The following HSPG2 variants were observed in gnomAD, a reference collection of about 807,000 sequenced individuals.
The protein encoded by HSPG2 is heparan sulfate proteoglycan 2.
HSPG2 carries 278 observed loss-of-function variants against 526.6 expected under a neutral mutation model. The observed-to-expected ratio is 0.53, with a 90% CI of 0.48 to 0.58. The LOEUF (loss-of-function observed/expected upper bound fraction) is 0.58. Ranked by LOEUF, HSPG2 falls within the 20% of genes least tolerant of loss-of-function variation. The pLI is 0.00. For missense variants in HSPG2, 5,354 were observed against 6,099.5 expected (o/e 0.88, Z 4.07); for synonymous variants, 2,465 against 2,555.4 (o/e 0.96, Z 1.07).
At position 21,850,156 on chromosome 1, in the gene HSPG2, G is replaced by T. The variant is rs755800755; in HGVS notation, c.7331C>A (p.Ser2444Ter). 1 of 1,613,436 alleles carries T rather than the reference G, an allele frequency of 6.2e-7. No individual in the cohort carries two copies. The highest frequency in any genetic ancestry group is 1.7e-5 in the Admixed American group (1 of 60,032). ...GVTPTVRIES[S>*]SSQVAEGQTL... ...CTGCCCCTCGGCCACTTGCGAAGAC[G>T]ATGACTCGATCCGGACCGTGGGGGT... Residue 2444 changes from serine to a stop codon, truncating the protein, a stop_gained, in exon 57 of 97, where the codon TCG (serine) becomes TAG (stop). Coordinates refer to ENST00000374695, the MANE Select transcript of HSPG2 (RefSeq NM_005529.7). LOFTEE classifies it high-confidence loss of function.
Position 21,872,604 on chromosome 1 carries a change from C to T in HSPG2, c.4029+16G>A, listed in dbSNP as rs764117157. 7 of 1,575,300 alleles carry T rather than the reference C, an allele frequency of 4.4e-6. No individual in the cohort carries two copies. Among genetic ancestry groups the T allele is most frequent in the South Asian group, 1.2e-5 (1 of 85,918 alleles). On this transcript the variant is annotated intron_variant, in intron 32 of 96. Transcript: ENST00000374695. This position sits in a 1 kb window ranked among gnomAD's most constrained non-coding sequence, Gnocchi z 5.5. ...GGTGGCAACACCGCCTGGGGCTGGG[C>T]AGCACAGGCTCTCACCAGGTGGCGT...
chr1:21,880,695 T>A lies in HSPG2; in HGVS notation c.1959A>T (p.Gln653His), dbSNP rs62642535. The change falls in exon 15 of 97, where the codon CAA (glutamine) becomes CAT (histidine). Residue 653 changes from glutamine to histidine, a missense_variant. Physicochemically the swap from Gln to His is conservative, Grantham distance 24 (BLOSUM62 0). Coordinates refer to ENST00000374695, the MANE Select transcript of HSPG2 (RefSeq NM_005529.7). The part of the protein sequence containing the change: ...RLLSRGHTPT[Q>H]PGALNQRQVQ... ...CCTGGCGCTGGTTCAGAGCACCAGGTTGGGTGGGTGTGTGGCCTCGGGAGA... is the reference window on the plus strand; with the variant it reads ...CCTGGCGCTGGTTCAGAGCACCAGGATGGGTGGGTGTGTGGCCTCGGGAGA... 4 of 1,600,010 alleles carry A rather than the reference T, an allele frequency of 2.5e-6. No homozygotes were observed. Among genetic ancestry groups the A allele is most frequent in the Non-Finnish European group, 2.6e-6 (3 of 1,173,798 alleles).
chr1:21,931,431 C>T (rs1337665331), intron 1 of HSPG2, among the ~76,000 whole-genome samples: 1 of 152,232 alleles, frequency 6.6e-6, no homozygotes, highest in Non-Finnish European at 1.5e-5. Context: ...GGCCGGGACC[C>T]TCGGCGCAGC....
At chr1:21,914,379 A>G (rs1333175342) in intron 1 of HSPG2, among the ~76,000 whole-genome samples, 2 of 146,316 alleles carry the variant, frequency 1.4e-5, no homozygotes, top group Non-Finnish European at 3.0e-5. Context: ...ATCTATAAAG[A>G]CCCCAGAGGC....
intron 1 of HSPG2, among the ~76,000 whole-genome samples, chr1:21,928,749 A>G (rs1569685517): frequency 7.8e-6 from 1 of 128,724 alleles, no homozygotes; most frequent in Non-Finnish European, 1.6e-5. Context: ...TCCTTTATTC[A>G]CTTGATTTTT....
At position 21,839,264 on chromosome 1, in the gene HSPG2, C is replaced by G. The variant is rs766978758; in HGVS notation, c.9889+107G>C. On this transcript the variant is annotated intron_variant, in intron 73 of 96. Transcript: ENST00000374695. This position sits in a 1 kb window ranked among gnomAD's most constrained non-coding sequence, Gnocchi z 4.5. ...CAGGGCAGGCTCCAGGACCCTGCAGCGCCTGGAGACCTCTGGATGGGGTTC... is the reference window on the plus strand; with the variant it reads ...CAGGGCAGGCTCCAGGACCCTGCAGGGCCTGGAGACCTCTGGATGGGGTTC... The G allele has an allele frequency of 6.9e-7, 1 of 1,459,816 alleles. No homozygotes were observed. Among genetic ancestry groups the G allele is most frequent in the South Asian group, 1.2e-5 (1 of 86,884 alleles). The allele number at this position is 1,459,816 out of a possible 1,614,324, so 90.4% of individuals were successfully genotyped here. A position where few individuals can be genotyped will look rare whatever the true frequency, so the allele number is the denominator to read the frequency against.
intron 1 of HSPG2, among the ~76,000 whole-genome samples, chr1:21,912,028 C>G (rs1643710090): frequency 6.6e-6 from 1 of 152,180 alleles, no homozygotes; most frequent in African/African-American, 2.4e-5. Flanking sequence ...CAGAGGTATT[C>G]AAATCTCTGA....
intron 69 of HSPG2, 45 bp downstream of exon 69, chr1:21,841,957 C>A: frequency 6.2e-7 from 1 of 1,609,340 alleles, no homozygotes; most frequent in Non-Finnish European, 8.5e-7. Flanking sequence ...ACGGCACCCC[C>A]ATGCCTGCCC....
At chr1:21,932,601 A>G (rs1469600253) in intron 1 of HSPG2, among the ~76,000 whole-genome samples, 2 of 152,222 alleles carry the variant, frequency 1.3e-5, no homozygotes, top group African/African-American at 2.4e-5. Context: ...CAGGCCAGAC[A>G]ATTGTGAGAA....
chr1:21,916,151 G>A (rs1318314225), intron 1 of HSPG2, among the ~76,000 whole-genome samples: 1 of 151,852 alleles, frequency 6.6e-6, no homozygotes, highest in East Asian at 1.9e-4. Flanking sequence ...CAGATCATGA[G>A]GTCAGGAGTT....
At position 21,893,838 on chromosome 1, in the gene HSPG2, G is replaced by A. The variant is rs1445949316; in HGVS notation, c.244+2084C>T. Among the ~76,000 whole-genome samples, 1 of 151,364 alleles carries A rather than the reference G, an allele frequency of 6.6e-6. No homozygotes were observed. The highest frequency in any genetic ancestry group is 6.6e-5 in the Admixed American group (1 of 15,206). ...GGCGGGGGAGAATGAGAGAGAAAAG[G>A]TAAGACAAAGGTGAAGAAAAAGGCA... On this transcript the variant is annotated intron_variant, in intron 3 of 96. Transcript: ENST00000374695. This position sits in a 1 kb window ranked among gnomAD's most constrained non-coding sequence, Gnocchi z 4.3.
Position 21,890,129 on chromosome 1 carries a change from G to T in HSPG2, c.426C>A (p.Gly142=). 1 of 1,614,050 alleles carries T rather than the reference G, an allele frequency of 6.2e-7. No individual in the cohort carries two copies. Among genetic ancestry groups the T allele is most frequent in the Non-Finnish European group, 8.5e-7 (1 of 1,179,980 alleles). The change falls in exon 6 of 97, where the codon GGC becomes GGA. Residue 142 remains glycine, a synonymous_variant. Coordinates refer to ENST00000374695, the MANE Select transcript of HSPG2 (RefSeq NM_005529.7). This position sits in a 1 kb window ranked among gnomAD's most constrained non-coding sequence, Gnocchi z 4.1. ...VSVVFIKELD[G]WVFVELDVGS... Reference sequence around the variant, plus strand: ...CCACATCCAGCTCCACAAAAACCCAGCCATCCAGCTCCCTGGGGATGGAGA... The same window carrying T: ...CCACATCCAGCTCCACAAAAACCCATCCATCCAGCTCCCTGGGGATGGAGA...
rs375391128 is a variant in HSPG2, at chr1:21,822,259, C to T, written c.*1057G>A. On this transcript the variant is annotated 3_prime_UTR_variant, in exon 97 of 97. Coordinates refer to ENST00000374695, the MANE Select transcript of HSPG2 (RefSeq NM_005529.7). Reference sequence around the variant, plus strand: ...AGGAGGCCCCTGGCGGGGATAGCACCGTTTATTAAGAAAAATCAAGACAAA... The same window carrying T: ...AGGAGGCCCCTGGCGGGGATAGCACTGTTTATTAAGAAAAATCAAGACAAA... 15 of 1,589,998 alleles carry T rather than the reference C, an allele frequency of 9.4e-6. No individual in the cohort carries two copies. The highest frequency in any genetic ancestry group is 1.7e-5 in the Admixed American group (1 of 59,980).
chr1:21,883,167 A>C (rs111413159), intron 13 of HSPG2, among the ~76,000 whole-genome samples: 2,273 of 152,260 alleles, frequency 0.015, 53 homozygotes, highest in African/African-American at 0.051. Flanking sequence ...CTCTCATCTT[A>C]AAACTGTGAA....
intron 67 of HSPG2, 106 bp from the exon 68 acceptor site, chr1:21,842,486 G>A: frequency 7.7e-7 from 1 of 1,304,522 alleles, no homozygotes; most frequent in Non-Finnish European, 1.0e-6. Flanking sequence ...GAAGCTCAGG[G>A]TCTCAGCTGG....
At position 21,850,452 on chromosome 1, in the gene HSPG2, G is replaced by C; in HGVS notation, c.7205C>G (p.Ser2402Trp). Residue 2402 changes from serine to tryptophan, a missense_variant, in exon 56 of 97, where the codon TCG (serine) becomes TGG (tryptophan). Coordinates refer to ENST00000374695, the MANE Select transcript of HSPG2 (RefSeq NM_005529.7). ...CAACACTCGGCACACGTACTCGCCC[G>C]AGTCGGCGGGGGACGCTTGGTAGAG... ...LRLYQASPAD[S>W]GEYVCRVLGS... 6.2e-7 allele frequency: 1 copy of C among 1,612,254 alleles called. No homozygotes were observed. Among genetic ancestry groups the C allele is most frequent in the Non-Finnish European group, 8.5e-7 (1 of 1,179,452 alleles).
At position 21,824,208 on chromosome 1, in the gene HSPG2, C is replaced by T. The variant is rs764900583; in HGVS notation, c.12816-4G>A. On this transcript the variant is annotated splice_polypyrimidine_tract_variant and splice_region_variant and intron_variant, in intron 94 of 96. Transcript: ENST00000374695. This position sits in a 1 kb window ranked among gnomAD's most constrained non-coding sequence, Gnocchi z 5.9. ...CTCCCCACTACCCAGCTGGTACCTG[C>T]AGTCATCCAGGCCCAAGAAGTATGA... The T allele has an allele frequency of 3.7e-6, 6 of 1,613,632 alleles. No homozygotes were observed. Among genetic ancestry groups the T allele is most frequent in the Admixed American group, 1.7e-5 (1 of 60,000 alleles).
chr1:21,879,716 G>A (rs929177856), intron 17 of HSPG2, among the ~76,000 whole-genome samples: 1 of 151,844 alleles, frequency 6.6e-6, no homozygotes, highest in African/African-American at 2.4e-5. Flanking sequence ...GCAGGGGCAC[G>A]GTCTTGGCCT....
At position 21,839,627 on chromosome 1, in the gene HSPG2, G is replaced by C. The variant is rs915544021; in HGVS notation, c.9710-77C>G. On this transcript the variant is annotated intron_variant, in intron 72 of 96. Coordinates refer to ENST00000374695, the MANE Select transcript of HSPG2 (RefSeq NM_005529.7). The surrounding 1 kb of genome is among the most constrained non-coding windows in gnomAD (Gnocchi z 4.5). ...CGCAGAGGGTGGCCATGGTGAGGAAGGGCCCTGGGTGATCCTGTCCCTCTA... is the reference window on the plus strand; with the variant it reads ...CGCAGAGGGTGGCCATGGTGAGGAACGGCCCTGGGTGATCCTGTCCCTCTA... The C allele has an allele frequency of 4.6e-6, 7 of 1,534,534 alleles. No homozygotes were observed. Among genetic ancestry groups the C allele is most frequent in the Non-Finnish European group, 5.4e-6 (6 of 1,120,998 alleles).
Sources: allele counts gnomAD v4.1 joint callset (sites outside exome capture counted in the v4.1 genomes callset), GRCh38; gene constraint gnomAD v4.1.1; non-coding constraint Gnocchi (gnomAD v3.1); transcripts MANE v1.5; gene names NCBI Gene and HGNC (gene_info 2026-07-23, HGNC 2026-07-21).